The following F13A1 variants were observed in gnomAD, a reference collection of about 807,000 sequenced individuals.
F13A1 encodes the protein coagulation factor XIII A chain, also known as FSF, A subunit.
A neutral mutation model predicts 80.1 loss-of-function variants in F13A1; 47 were observed. The ratio of observed to expected loss-of-function variants is 0.59; its 90% CI spans 0.46 to 0.75. The LOEUF is 0.75. Ranked by LOEUF, F13A1 falls within the 30% of genes least tolerant of loss-of-function variation. The pLI is 0.00. For missense variants in F13A1, 817 were observed against 930.4 expected (o/e 0.88, Z 1.59); for synonymous variants, 349 against 344.9 (o/e 1.01, Z -0.13).
At chr6:6,190,933 GT>G (rs1418134216) in intron 10 of F13A1, among the ~76,000 whole-genome samples, 1 of 152,166 alleles carries the variant, frequency 6.6e-6, no homozygotes, top group East Asian at 1.9e-4. Context: ...GTGGTGCGCC[GT>G]TTTTTAAGCC....
intron 7 of F13A1, among the ~76,000 whole-genome samples, chr6:6,224,127 A>C (rs1205067658): frequency 1.3e-5 from 2 of 152,134 alleles, no homozygotes; most frequent in Non-Finnish European, 2.9e-5. Flanking sequence ...CTGGAGAGGG[A>C]AAGATTGTTC....
intron 13 of F13A1, among the ~76,000 whole-genome samples, chr6:6,165,606 C>T (rs1229048959): frequency 6.6e-6 from 1 of 152,064 alleles, no homozygotes; most frequent in Non-Finnish European, 1.5e-5. Flanking sequence ...CGCAATAGCC[C>T]AGAAGGGTAG....
chr6:6,293,777 GA>G (rs1425561585), intron 3 of F13A1, among the ~76,000 whole-genome samples: 1 of 110,504 alleles, frequency 9.0e-6, no homozygotes, highest in African/African-American at 4.1e-5. Context: ...GAGGGAGTGA[GA>G]GAGAGAGGGA....
At chr6:6,287,531 G>A (rs1446179264) in intron 3 of F13A1, among the ~76,000 whole-genome samples, 1 of 152,206 alleles carries the variant, frequency 6.6e-6, no homozygotes, top group Non-Finnish European at 1.5e-5. Flanking sequence ...GGAAGCGTTT[G>A]TGGATGTTCT....
intron 3 of F13A1, among the ~76,000 whole-genome samples, chr6:6,304,296 C>T (rs1194479746): frequency 6.6e-6 from 1 of 152,012 alleles, no homozygotes; most frequent in African/African-American, 2.4e-5. Context: ...CTTTCTGTGA[C>T]TGCTGATTTG....
intron 8 of F13A1, among the ~76,000 whole-genome samples, chr6:6,213,635 A>G (rs868385930): frequency 1.8e-3 from 261 of 149,066 alleles, no homozygotes; most frequent in African/African-American, 6.1e-3. Flanking sequence ...GAGCAAAATA[A>G]CCAGCTAACA....
chr6:6,298,280 T>C (rs1348322907), intron 3 of F13A1, among the ~76,000 whole-genome samples: 1 of 147,674 alleles, frequency 6.8e-6, no homozygotes, highest in Non-Finnish European at 1.5e-5. Context: ...GGTGCAGAGC[T>C]GAGTTCAATT....
intron 14 of F13A1, among the ~76,000 whole-genome samples, chr6:6,150,418 G>C (rs76985432): frequency 1.3e-5 from 2 of 152,074 alleles, no homozygotes; most frequent in South Asian, 4.2e-4. Flanking sequence ...TTGTGCTTGC[G>C]TTGTTTCAAA....
chr6:6,302,799 T>G (rs1025136165), intron 3 of F13A1, among the ~76,000 whole-genome samples: 1 of 152,252 alleles, frequency 6.6e-6, no homozygotes, highest in Non-Finnish European at 1.5e-5. Flanking sequence ...TAAGATCACC[T>G]ATGCATGATC....
chr6:6,316,606 T>A (rs1233778315), intron 2 of F13A1, among the ~76,000 whole-genome samples: 2 of 152,214 alleles, frequency 1.3e-5, no homozygotes, highest in African/African-American at 4.8e-5. Context: ...TAGCAGCATT[T>A]TGTTCAGATG....
chr6:6,192,630 A>G (rs1264410423), intron 10 of F13A1, among the ~76,000 whole-genome samples: 1 of 152,234 alleles, frequency 6.6e-6, no homozygotes, highest in African/African-American at 2.4e-5. Flanking sequence ...GTTTGAATTG[A>G]GAATGAATAA....
chr6:6,164,635 C>T (rs964609376), intron 13 of F13A1, among the ~76,000 whole-genome samples: 2 of 151,560 alleles, frequency 1.3e-5, no homozygotes, highest in Non-Finnish European at 2.9e-5. Flanking sequence ...ACTCTCCTCT[C>T]CCCGTTTTTC....
chr6:6,314,058 T>C (rs1003187613), intron 2 of F13A1, among the ~76,000 whole-genome samples: 2 of 148,768 alleles, frequency 1.3e-5, no homozygotes, highest in East Asian at 4.0e-4. Context: ...CTCGGCTCAC[T>C]GCAACCTCCA....
At chr6:6,221,259 A>G (rs961363570) in intron 8 of F13A1, among the ~76,000 whole-genome samples, 3 of 152,136 alleles carry the variant, frequency 2.0e-5, no homozygotes, top group Non-Finnish European at 2.9e-5. Context: ...TCAAGGAAAA[A>G]TGGAATTTCC....
intron 10 of F13A1, among the ~76,000 whole-genome samples, chr6:6,186,865 A>G (rs1269146): frequency 2.2e-4 from 32 of 148,722 alleles, no homozygotes; most frequent in South Asian, 4.4e-4. Flanking sequence ...AGCATGGAAT[A>G]TTCTTCCATT....
chr6:6,164,378 T>C (rs975925272), intron 13 of F13A1, among the ~76,000 whole-genome samples: 2 of 152,050 alleles, frequency 1.3e-5, no homozygotes, highest in Non-Finnish European at 2.9e-5. Flanking sequence ...AAAAGATAAC[T>C]ACTGGGTACC....
At chr6:6,263,230 C>T (rs113439000) in intron 4 of F13A1, among the ~76,000 whole-genome samples, 1 of 152,226 alleles carries the variant, frequency 6.6e-6, no homozygotes, top group Non-Finnish European at 1.5e-5. Context: ...TCTACTTTCT[C>T]GCCTCCTGTT....
chr6:6,202,581 A>G (rs1380848687), intron 8 of F13A1, among the ~76,000 whole-genome samples: 1 of 152,226 alleles, frequency 6.6e-6, no homozygotes, highest in African/African-American at 2.4e-5. Context: ...TTCTCACTAT[A>G]CAGTCAAAAG....
chr6:6,288,734 C>T lies in F13A1; in HGVS notation c.319+16617G>A, dbSNP rs1758171988. On this transcript the variant is annotated intron_variant, in intron 3 of 14. Coordinates refer to ENST00000264870, the MANE Select transcript of F13A1 (RefSeq NM_000129.4). ...AGTTTTGTGAGGAACTGCCACACGA[C>T]TTTCCAAAACAGCTGCCTTAATTTA... Among the ~76,000 whole-genome samples the T allele has an allele frequency of 1.3e-5, 2 of 152,220 alleles. 1 individual carries two copies. Among genetic ancestry groups the T allele is most frequent in the South Asian group, 4.1e-4 (2 of 4,832 alleles).
Sources: allele counts gnomAD v4.1 joint callset (sites outside exome capture counted in the v4.1 genomes callset), GRCh38; gene constraint gnomAD v4.1.1; transcripts MANE v1.5; gene names NCBI Gene and HGNC (gene_info 2026-07-23, HGNC 2026-07-21).